DDX60L: variants seen among roughly 807,000 people sequenced by gnomAD.
The protein encoded by DDX60L is DExD/H-box 60 like.
Under a neutral mutation model 211.6 loss-of-function variants are expected in DDX60L, and 191 were observed. That is an observed-to-expected ratio of 0.90 (90% confidence interval 0.80 to 1.02). DDX60L has a LOEUF of 1.02. Among genes scored for constraint, DDX60L ranks in the 50% least tolerant of loss-of-function variants. The pLI is 0.00. For synonymous variants in DDX60L, 706 were observed against 694.1 expected (o/e 1.02, Z -0.27); for missense variants, 2,007 against 1,984.1 (o/e 1.01, Z -0.22).
At chr4:168,361,428 G>A in intron 36 of DDX60L, 2 of 424,078 alleles carry the variant, frequency 4.7e-6, no homozygotes, top group East Asian at 4.0e-5. Context: ...TTATCAAAGG[G>A]GGAGGGTGAA....
intron 27 of DDX60L, among the ~76,000 whole-genome samples, chr4:168,395,270 G>A (rs1168382731): frequency 6.6e-6 from 1 of 152,116 alleles, no homozygotes; most frequent in Non-Finnish European, 1.5e-5. Flanking sequence ...TAATAATGTA[G>A]CTCTATTGTT....
At chr4:168,473,686 T>C (rs930733486) in intron 1 of DDX60L, among the ~76,000 whole-genome samples, 23 of 152,156 alleles carry the variant, frequency 1.5e-4, no homozygotes, top group African/African-American at 5.1e-4. Context: ...GAAATGAGTA[T>C]ATATCACAGG....
At chr4:168,433,752 T>C (rs1366029871) in intron 10 of DDX60L, among the ~76,000 whole-genome samples, 1 of 152,196 alleles carries the variant, frequency 6.6e-6, no homozygotes, top group African/African-American at 2.4e-5. Context: ...CCCATCTGCA[T>C]TCCTCTTGCA....
At chr4:168,454,785 C>T (rs1756298685) in intron 7 of DDX60L, among the ~76,000 whole-genome samples, 1 of 68,818 alleles carries the variant, frequency 1.5e-5, no homozygotes, top group African/African-American at 7.9e-5. Flanking sequence ...TTTTTAGCAG[C>T]TAGAAGAATG....
At chr4:168,421,359 A>G (rs1344192734) in intron 17 of DDX60L, among the ~76,000 whole-genome samples, 1 of 152,210 alleles carries the variant, frequency 6.6e-6, no homozygotes, top group African/African-American at 2.4e-5. Flanking sequence ...TGAAATAAAA[A>G]TATCAAAAAT....
intron 22 of DDX60L, among the ~76,000 whole-genome samples, chr4:168,410,782 G>A (rs140818431): frequency 2.1e-3 from 326 of 152,214 alleles, no homozygotes; most frequent in African/African-American, 6.9e-3. Context: ...GTCATGTTCC[G>A]ATTTTTATGT....
chr4:168,427,268 CTTT>C lies in DDX60L; in HGVS notation c.1729_1731del (p.Lys577del), dbSNP rs781637014. The C allele has an allele frequency of 2.5e-6, 4 of 1,613,702 alleles. No individual in the cohort carries two copies. The South Asian group carries it at 3.3e-5, about 13-fold the overall frequency. ...TTTTGCTGAGCTTTGTTCTGATCTTCTTTGAGAAATGACTTTTTCTTACTCTTT... is the reference window on the plus strand; with the variant it reads ...TTTTGCTGAGCTTTGTTCTGATCTTCGAGAAATGACTTTTTCTTACTCTTT... On this transcript the variant is annotated inframe_deletion, in exon 14 of 38. Coordinates refer to ENST00000682922, the MANE Select transcript of DDX60L (RefSeq NM_001012967.3).
chr4:168,461,300 G>T (rs35604167), intron 5 of DDX60L, among the ~76,000 whole-genome samples: 13,328 of 152,188 alleles, frequency 0.088, 741 homozygotes, highest in Middle Eastern at 0.14. Context: ...GAAATTCCAA[G>T]GGTTTTAGGG....
At chr4:168,394,088 G>A (rs1301434061) in intron 28 of DDX60L, among the ~76,000 whole-genome samples, 7 of 151,906 alleles carry the variant, frequency 4.6e-5, no homozygotes, top group South Asian at 2.1e-4. Context: ...CCAGCTACAC[G>A]GGACGGCTAA....
chr4:168,400,769 C>A lies in DDX60L; in HGVS notation c.3491+57G>T. On this transcript the variant is annotated intron_variant, in intron 26 of 37. Transcript: ENST00000682922. ...GGTCTCTAAACATTTCTGACAGTGT[C>A]TTGTAAATATTTTAGTCTTCAGGGG... The A allele has an allele frequency of 1.1e-5, 15 of 1,425,300 alleles. No individual in the cohort carries two copies. The South Asian group carries it at 2.0e-4, about 19-fold the overall frequency. 88.3% of individuals were successfully genotyped at this position (1,425,300 alleles called of 1,614,324 possible). A position where few individuals can be genotyped will look rare whatever the true frequency, so the allele number is the denominator to read the frequency against.
At chr4:168,415,188 A>C (rs1005819510) in intron 22 of DDX60L, among the ~76,000 whole-genome samples, 4 of 152,052 alleles carry the variant, frequency 2.6e-5, no homozygotes, top group Admixed American at 2.0e-4. Context: ...CTGTATCAAA[A>C]TATCTCATGT....
At chr4:168,373,576 G>T in intron 35 of DDX60L, 90 bp downstream of exon 35, 5 of 1,280,728 alleles carry the variant, frequency 3.9e-6, no homozygotes, top group Non-Finnish European at 5.5e-6. Context: ...TCAGTGTTTT[G>T]GGTTTGAGGT....
intron 35 of DDX60L, 24 bp downstream of exon 35, chr4:168,373,642 A>C (rs1390604889): frequency 6.2e-7 from 1 of 1,607,692 alleles, no homozygotes; most frequent in Non-Finnish European, 8.5e-7. Flanking sequence ...CACATTTTGT[A>C]CATAAGATGT....
intron 20 of DDX60L, among the ~76,000 whole-genome samples, chr4:168,416,438 G>T (rs183602516): frequency 6.8e-6 from 1 of 146,234 alleles, no homozygotes; most frequent in Non-Finnish European, 1.5e-5. Context: ...ATTTGAGAAA[G>T]CCAGACATGG....
At chr4:168,407,120 T>A (rs1040735908) in intron 22 of DDX60L, among the ~76,000 whole-genome samples, 3 of 152,150 alleles carry the variant, frequency 2.0e-5, no homozygotes, top group Non-Finnish European at 2.9e-5. Context: ...GACATTAAAA[T>A]GTGTTTAGTG....
chr4:168,378,394 G>T lies in DDX60L; in HGVS notation c.4445C>A (p.Ala1482Glu). 1 of 1,505,574 alleles carries T rather than the reference G, an allele frequency of 6.6e-7. No homozygotes were observed. The allele number at this position is 1,505,574 out of a possible 1,614,324, so 93.3% of individuals were successfully genotyped here. ...ACTTAAATTAGCATTTTGGAATTTT[G>T]CTGGAATATATTTTCTTCCAAACAA... ...ANLFGRKYIP[A>E]KFQNANLSFS... The change falls in exon 33 of 38, where the codon GCA (alanine) becomes GAA (glutamate). Residue 1482 changes from alanine to glutamate, a missense_variant. Physicochemically the swap from Ala to Glu is moderately radical, Grantham distance 107. Transcript: ENST00000682922.
intron 9 of DDX60L, among the ~76,000 whole-genome samples, chr4:168,445,583 G>T (rs1288742879): frequency 6.6e-6 from 1 of 152,090 alleles, no homozygotes; most frequent in Non-Finnish European, 1.5e-5. Flanking sequence ...CAAAAGAAGA[G>T]AATTTTAGAC....
At chr4:168,399,167 G>T (rs1746344531) in intron 26 of DDX60L, among the ~76,000 whole-genome samples, 1 of 152,190 alleles carries the variant, frequency 6.6e-6, no homozygotes, top group Non-Finnish European at 1.5e-5. Context: ...GAATGGCAGG[G>T]CTAAAAGACC....
chr4:168,446,252 C>A (rs1254379693), intron 9 of DDX60L, among the ~76,000 whole-genome samples: 1 of 152,014 alleles, frequency 6.6e-6, no homozygotes, highest in Non-Finnish European at 1.5e-5. Flanking sequence ...AAACAGAGAG[C>A]CAAATCATGA....
Sources: gnomAD v4.1 joint callset for allele counts (sites outside exome capture counted in the v4.1 genomes callset) on GRCh38, gnomAD v4.1.1 for gene constraint, MANE v1.5 for transcripts, NCBI Gene and HGNC (gene_info 2026-07-23, HGNC 2026-07-21) for gene names.